Variants in ANKRD12 observed in about 807,000 individuals in gnomAD.
The protein encoded by ANKRD12 is ankyrin repeat domain-containing protein 12.
In ANKRD12, 85 loss-of-function variants were observed where a neutral mutation model predicts 183.4. That is an observed-to-expected ratio of 0.46 (90% CI 0.39 to 0.56). The LOEUF (loss-of-function observed/expected upper bound fraction) is 0.56. Among genes scored for constraint, ANKRD12 ranks in the 20% least tolerant of loss-of-function variants. The probability of loss-of-function intolerance (pLI) is 0.00; values close to 1 mark genes in which losing one functional copy is unlikely to be tolerated. For missense variants in ANKRD12, 2,405 were observed against 2,357.1 expected (o/e 1.02, Z -0.42); for synonymous variants, 914 against 800.2 (o/e 1.14, Z -2.40).
intron 4 of ANKRD12, among the ~76,000 whole-genome samples, chr18:9,205,693 C>T (rs1219575413): frequency 6.6e-6 from 1 of 152,076 alleles, no homozygotes; most frequent in African/African-American, 2.4e-5. Flanking sequence ...AAGATGCAGA[C>T]ATTCAATTGG....
intron 1 of ANKRD12, among the ~76,000 whole-genome samples, chr18:9,143,316 G>C (rs2078383559): frequency 6.6e-6 from 1 of 152,140 alleles, no homozygotes; most frequent in South Asian, 2.1e-4. Context: ...GTTACTTTGA[G>C]AAATTTTTTC....
At position 9,211,548 on chromosome 18, in the gene ANKRD12, G is replaced by A. The variant is rs770219739; in HGVS notation, c.452-36G>A. ...TTTAAATAAGTATACAGAATATTTA[G>A]CCTAGAACTTCTGCTAACTTTCTTC... On this transcript the variant is annotated intron_variant, in intron 5 of 12. Transcript: ENST00000262126. 3.8e-6 allele frequency: 6 copies of A among 1,561,862 alleles called. No homozygotes were observed. In the Admixed American group the frequency reaches 1.0e-4, roughly 26 times the overall value.
chr18:9,150,148 C>T (rs1037371610), intron 1 of ANKRD12, among the ~76,000 whole-genome samples: 6 of 152,002 alleles, frequency 3.9e-5, no homozygotes, highest in Admixed American at 6.6e-5. Flanking sequence ...CTCAGTTTCC[C>T]GAAAGGTATA....
chr18:9,211,927 C>T (rs1026554762), intron 6 of ANKRD12, 143 bp downstream of exon 6: 10 of 680,148 alleles, frequency 1.5e-5, no homozygotes, highest in African/African-American at 3.6e-5. Flanking sequence ...TTTTGGAGTT[C>T]GTACATAAAA....
At chr18:9,153,686 T>C (rs756235144) in intron 1 of ANKRD12, among the ~76,000 whole-genome samples, 1 of 152,214 alleles carries the variant, frequency 6.6e-6, no homozygotes, top group African/African-American at 2.4e-5. Flanking sequence ...GTCATTTTTT[T>C]CAAGTACTTT....
chr18:9,220,248 T>A (rs1198490875), intron 7 of ANKRD12, among the ~76,000 whole-genome samples: 6 of 152,234 alleles, frequency 3.9e-5, no homozygotes, highest in Non-Finnish European at 8.8e-5. Flanking sequence ...AAGTATTTTT[T>A]AAGGTGTGAT....
At chr18:9,232,446 C>T (rs886434327) in intron 8 of ANKRD12, among the ~76,000 whole-genome samples, 1 of 152,128 alleles carries the variant, frequency 6.6e-6, no homozygotes, top group African/African-American at 2.4e-5. Context: ...CCTATTATAT[C>T]CTGGCCTATA....
chr18:9,174,233 C>G (rs1054605788), intron 1 of ANKRD12, among the ~76,000 whole-genome samples: 1 of 152,228 alleles, frequency 6.6e-6, no homozygotes, highest in Non-Finnish European at 1.5e-5. Context: ...TTTAGGCAGT[C>G]TCTAGCCTGT....
intron 3 of ANKRD12, among the ~76,000 whole-genome samples, chr18:9,196,119 A>ATTGAGGCTAACTGCCT: frequency 1.1e-5 from 1 of 92,688 alleles, no homozygotes; most frequent in Non-Finnish European, 2.2e-5. Flanking sequence ...ACACACACAC[A>ATTGAGGCTAACTGCCT]CACACACACA....
intron 8 of ANKRD12, among the ~76,000 whole-genome samples, chr18:9,224,241 C>G (rs2036585239): frequency 1.3e-5 from 2 of 151,054 alleles, no homozygotes; most frequent in South Asian, 2.1e-4. Flanking sequence ...ATAGATCTTA[C>G]CAAAAAAAAA....
At chr18:9,274,949 G>A (rs755454133) in intron 10 of ANKRD12, among the ~76,000 whole-genome samples, 5 of 152,218 alleles carry the variant, frequency 3.3e-5, no homozygotes, top group South Asian at 4.1e-4. Flanking sequence ...TTGGGAGGCC[G>A]AGAGGGGAGG....
intron 2 of ANKRD12, among the ~76,000 whole-genome samples, chr18:9,184,436 G>A (rs765482725): frequency 5.9e-5 from 9 of 151,896 alleles, no homozygotes; most frequent in Non-Finnish European, 2.9e-5. Context: ...TCTTACCCAG[G>A]CTGGAGAGTG....
At chr18:9,193,500 A>C (rs966998947) in intron 2 of ANKRD12, among the ~76,000 whole-genome samples, 2 of 151,550 alleles carry the variant, frequency 1.3e-5, no homozygotes, top group African/African-American at 4.8e-5. Flanking sequence ...ATTCAGGCTC[A>C]ATCTCAGTGG....
chr18:9,173,437 T>C (rs2032940493), intron 1 of ANKRD12, among the ~76,000 whole-genome samples: 1 of 152,138 alleles, frequency 6.6e-6, no homozygotes. Context: ...TGTTTTCTGT[T>C]TTTCTTTTAA....
rs534074713 is a variant in ANKRD12, at chr18:9,267,638, T to C, written c.5763+3750T>C. ...TTGAAAGCAGTGTGTAGAGGGAAAT[T>C]TATAGCACTAAATGCCCCCAAGAGA... is the stretch of plus-strand genomic sequence containing the variant. On this transcript the variant is annotated intron_variant, in intron 10 of 12. Transcript: ENST00000262126. Among the ~76,000 whole-genome samples the C allele has an allele frequency of 3.3e-5, 5 of 151,210 alleles. No homozygotes were observed. In the East Asian group the frequency reaches 7.9e-4, roughly 24 times the overall value.
At chr18:9,220,734 A>G (rs890821374) in intron 7 of ANKRD12, among the ~76,000 whole-genome samples, 4 of 152,224 alleles carry the variant, frequency 2.6e-5, no homozygotes, top group African/African-American at 9.6e-5. Context: ...CTGAGAGAGA[A>G]AGCAGACAAG....
intron 8 of ANKRD12, among the ~76,000 whole-genome samples, chr18:9,251,639 CA>C (rs1333119907): frequency 6.6e-6 from 1 of 151,888 alleles, no homozygotes; most frequent in Non-Finnish European, 1.5e-5. Context: ...ACTGAAGATA[CA>C]AAAATTAGAC....
chr18:9,284,851 TA>T lies in ANKRD12; in HGVS notation c.*3728del. 6.6e-6 allele frequency: 1 copy of T among 152,354 alleles called. No individual in the cohort carries two copies. Among genetic ancestry groups the T allele is most frequent in the Non-Finnish European group, 1.5e-5 (1 of 68,034 alleles). The allele number at this position is 152,354 out of a possible 1,614,324, so 9.4% of individuals were successfully genotyped here. ...AAAATGGTTGGGTTTTCCCAGTGGTTAAATGCTATATAATAACTGCAAATAA... is the reference window on the plus strand; with the variant it reads ...AAAATGGTTGGGTTTTCCCAGTGGTTAATGCTATATAATAACTGCAAATAA... On this transcript the variant is annotated 3_prime_UTR_variant, in exon 13 of 13. Transcript: ENST00000262126.
At chr18:9,214,082 A>G (rs1422005120) in intron 6 of ANKRD12, among the ~76,000 whole-genome samples, 1 of 152,030 alleles carries the variant, frequency 6.6e-6, no homozygotes. Flanking sequence ...CAGTAAATAT[A>G]TTTGAAATTT....
Sources: gnomAD v4.1 joint callset for allele counts (sites outside exome capture counted in the v4.1 genomes callset) on GRCh38, gnomAD v4.1.1 for gene constraint, MANE v1.5 for transcripts, NCBI Gene and HGNC (gene_info 2026-07-23, HGNC 2026-07-21) for gene names.